ARHGAP25: variants seen among roughly 807,000 people sequenced by gnomAD.
ARHGAP25 encodes rho GTPase-activating protein 25.
ARHGAP25 carries 34 observed loss-of-function variants against 71.0 expected under a neutral mutation model. That is an observed-to-expected ratio of 0.48 (90% CI 0.36 to 0.64). The LOEUF is 0.64. Among genes scored for constraint, ARHGAP25 ranks in the 30% least tolerant of loss-of-function variants. The pLI is 0.00. For missense variants in ARHGAP25, 706 were observed against 805.1 expected (o/e 0.88, Z 1.49); for synonymous variants, 282 against 296.5 (o/e 0.95, Z 0.50).
chr2:68,807,103 C>A, intron 4 of ARHGAP25, 170 bp from the exon 5 acceptor site: 1 of 627,828 alleles, frequency 1.6e-6, no homozygotes, highest in Middle Eastern at 2.6e-4. Flanking sequence ...CTCAAATTTA[C>A]AGGCCCCTAT....
chr2:68,780,617 C>T (rs895116710), intron 2 of ARHGAP25, among the ~76,000 whole-genome samples: 1 of 151,982 alleles, frequency 6.6e-6, no homozygotes, highest in African/African-American at 2.4e-5. Context: ...TTCTCCCCTT[C>T]CTTGTCTTTC....
intron 9 of ARHGAP25, among the ~76,000 whole-genome samples, chr2:68,821,309 A>T (rs1681647026): frequency 6.6e-6 from 1 of 152,054 alleles, no homozygotes; most frequent in Non-Finnish European, 1.5e-5. Context: ...CATGTTGCCC[A>T]GCCTGGCCTT....
Position 68,775,288 on chromosome 2 carries a change from G to C in ARHGAP25, c.129G>C (p.Pro43=), listed in dbSNP as rs773557039. 1.2e-5 allele frequency: 19 copies of C among 1,614,098 alleles called. No individual in the cohort carries two copies. Among genetic ancestry groups the C allele is most frequent in the South Asian group, 5.5e-5 (5 of 91,082 alleles). The change falls in exon 2 of 11, where the codon CCG becomes CCC. Residue 43 remains proline (P), a synonymous_variant. Transcript: ENST00000409202. ...AAFHPSSTPN[P]LERPIKMGWL... ...TCCATCCATCGTCCACCCCCAACCC[G>C]CTGGAGAGGCCCATCAAGATGGGCT...
At chr2:68,811,951 G>T (rs1284064145) in intron 5 of ARHGAP25, among the ~76,000 whole-genome samples, 1 of 152,170 alleles carries the variant, frequency 6.6e-6, no homozygotes, top group Admixed American at 6.5e-5. Flanking sequence ...AAGAATGCCA[G>T]GTTTTATCAA....
In ARHGAP25 at chr2:68,823,996, T is replaced by C. The variant is rs150727068; in HGVS notation, c.1733+1124T>C. Among the ~76,000 whole-genome samples the C allele has an allele frequency of 1.0e-3, 154 of 152,318 alleles. 3 individuals carry two copies. The East Asian group carries it at 0.012, about 12-fold the overall frequency. On this transcript the variant is annotated intron_variant, in intron 10 of 10. Transcript: ENST00000409202. ...CAGTGAAATGTGAATTCGTGGGCTC[T>C]TAGATTTATGGCTACGTCTTAGTCC...
rs141904596 is a variant in ARHGAP25, at chr2:68,762,620, T to A, written c.62-12601T>A. Among the ~76,000 whole-genome samples, 12 of 152,250 alleles carry A rather than the reference T, an allele frequency of 7.9e-5. No homozygotes were observed. In the East Asian group the frequency reaches 2.3e-3, roughly 29 times the overall value. On this transcript the variant is annotated intron_variant, in intron 1 of 10. Transcript: ENST00000409202. ...CCTTCTTTTACCTCCTGTTTGTGCA[T>A]CTCTGGTTCCTGCTTCTTCAGCCTT... is the stretch of plus-strand genomic sequence containing the variant.
At chr2:68,796,570 G>T (rs1679551768) in intron 4 of ARHGAP25, among the ~76,000 whole-genome samples, 1 of 152,200 alleles carries the variant, frequency 6.6e-6, no homozygotes, top group African/African-American at 2.4e-5. Flanking sequence ...TTCTTAGTGT[G>T]TGCAGTGGTG....
chr2:68,811,919 G>A (rs956373329), intron 5 of ARHGAP25, among the ~76,000 whole-genome samples: 4 of 152,236 alleles, frequency 2.6e-5, no homozygotes, highest in South Asian at 2.1e-4. Flanking sequence ...AGCTTTTCAC[G>A]ATGCTACCAG....
intron 2 of ARHGAP25, among the ~76,000 whole-genome samples, chr2:68,729,330 TAACAGTAACAG>T (rs1335436687): frequency 1.3e-5 from 2 of 152,126 alleles, no homozygotes; most frequent in African/African-American, 4.8e-5. Flanking sequence ...CAAATGCAGA[TAACAGTAACAG>T]AGATGACAAA....
intron 3 of ARHGAP25, among the ~76,000 whole-genome samples, 165 bp from the exon 4 acceptor site, chr2:68,787,675 G>A (rs779369128): frequency 8.5e-5 from 13 of 152,232 alleles, no homozygotes; most frequent in Admixed American, 3.3e-4. Flanking sequence ...AAGAGTGCCC[G>A]GATATCCAGT....
chr2:68,716,605 C>G (rs543872677), intron 2 of ARHGAP25, among the ~76,000 whole-genome samples: 2 of 152,284 alleles, frequency 1.3e-5, no homozygotes, highest in South Asian at 2.1e-4. Flanking sequence ...CCTTTGCCTT[C>G]ATAAGTTTGT....
At chr2:68,778,294 A>G (rs1035041475) in intron 2 of ARHGAP25, among the ~76,000 whole-genome samples, 3 of 152,188 alleles carry the variant, frequency 2.0e-5, no homozygotes, top group Non-Finnish European at 2.9e-5. Context: ...AAAAATGTCC[A>G]TAACATTACT....
intron 4 of ARHGAP25, among the ~76,000 whole-genome samples, chr2:68,803,191 A>G (rs112072213): frequency 6.6e-6 from 1 of 152,202 alleles, no homozygotes; most frequent in African/African-American, 2.4e-5. Flanking sequence ...TGGAAGATGG[A>G]GCACAGTCAA....
chr2:68,754,010 C>T (rs1001972115), intron 1 of ARHGAP25, among the ~76,000 whole-genome samples: 11 of 151,338 alleles, frequency 7.3e-5, no homozygotes, highest in African/African-American at 2.4e-4. Context: ...TCACGCCATT[C>T]TCCTGCCTCA....
intron 1 of ARHGAP25, among the ~76,000 whole-genome samples, chr2:68,736,086 A>T (rs928334809): frequency 2.0e-5 from 3 of 152,230 alleles, no homozygotes; most frequent in African/African-American, 7.2e-5. Context: ...AACTTCCTTG[A>T]TATTAGATAT....
At chr2:68,739,691 G>T (rs1026262351) in intron 1 of ARHGAP25, among the ~76,000 whole-genome samples, 1 of 152,146 alleles carries the variant, frequency 6.6e-6, no homozygotes, top group African/African-American at 2.4e-5. Context: ...AGACCAAATA[G>T]TACCGGAAGA....
intron 1 of ARHGAP25, among the ~76,000 whole-genome samples, chr2:68,762,442 T>A (rs1442126451): frequency 6.6e-6 from 1 of 152,218 alleles, no homozygotes; most frequent in African/African-American, 2.4e-5. Context: ...AGTTATAATT[T>A]GAGAAAAATA....
intron 5 of ARHGAP25, among the ~76,000 whole-genome samples, chr2:68,808,818 G>A (rs1680566295): frequency 6.6e-6 from 1 of 152,232 alleles, no homozygotes; most frequent in Non-Finnish European, 1.5e-5. Flanking sequence ...TGATTGCTGG[G>A]ATATGCCAAA....
At chr2:68,727,478 G>A (rs1208148533) in intron 2 of ARHGAP25, among the ~76,000 whole-genome samples, 3 of 152,176 alleles carry the variant, frequency 2.0e-5, no homozygotes. Context: ...CAGAGGGTCT[G>A]CCTCTGCGGA....
Sources: allele counts gnomAD v4.1 joint callset (sites outside exome capture counted in the v4.1 genomes callset), GRCh38; gene constraint gnomAD v4.1.1; transcripts MANE v1.5; gene names NCBI Gene and HGNC (gene_info 2026-07-23, HGNC 2026-07-21).